The following CTNNA2 variants were observed in gnomAD, a reference collection of about 807,000 sequenced individuals.
CTNNA2 encodes catenin alpha 2.
A neutral mutation model predicts 101.0 loss-of-function variants in CTNNA2; 42 were observed. The ratio of observed to expected loss-of-function variants is 0.42; its 90% CI spans 0.32 to 0.54. The LOEUF (loss-of-function observed/expected upper bound fraction) is 0.54. Among genes scored for constraint, CTNNA2 ranks in the 20% least tolerant of loss-of-function variants. CTNNA2 has a pLI of 0.14. For missense variants in CTNNA2, 871 were observed against 1,223.1 expected, an observed-to-expected ratio of 0.71 and a Z score of 4.29; for synonymous variants, 450 against 456.4, an observed-to-expected ratio of 0.99 and a Z score of 0.18.
chr2:79,700,569 G>GCAA (rs1474936730), intron 2 of CTNNA2, among the ~76,000 whole-genome samples: 3 of 151,966 alleles, frequency 2.0e-5, no homozygotes, highest in Non-Finnish European at 2.9e-5. Context: ...CCTTAGAATG[G>GCAA]CAACAACAAC....
chr2:79,209,189 A>T (rs1291446256), intron 2 of CTNNA2, among the ~76,000 whole-genome samples: 9 of 152,134 alleles, frequency 5.9e-5, no homozygotes, highest in East Asian at 1.9e-4. Flanking sequence ...TAAAAAATAA[A>T]TTTTTTTAAA....
chr2:79,288,408 G>C (rs1357654757), intron 2 of CTNNA2, among the ~76,000 whole-genome samples: 2 of 152,220 alleles, frequency 1.3e-5, no homozygotes, highest in Non-Finnish European at 2.9e-5. Context: ...TGGGTTCACT[G>C]TGTGCTCAGC....
At chr2:79,289,504 G>A (rs1311945321) in intron 2 of CTNNA2, among the ~76,000 whole-genome samples, 1 of 152,174 alleles carries the variant, frequency 6.6e-6, no homozygotes, top group Non-Finnish European at 1.5e-5. Context: ...GCTCACGCCT[G>A]TAATCCCAGC....
intron 3 of CTNNA2, among the ~76,000 whole-genome samples, chr2:79,333,862 G>T (rs914516263): frequency 1.3e-4 from 20 of 152,116 alleles, no homozygotes; most frequent in African/African-American, 4.8e-4. Flanking sequence ...ATTTTTTAAC[G>T]TATGTCTCCA....
At chr2:80,341,544 C>G (rs535545678) in intron 7 of CTNNA2, among the ~76,000 whole-genome samples, 1 of 152,210 alleles carries the variant, frequency 6.6e-6, no homozygotes, top group East Asian at 1.9e-4. Flanking sequence ...AAATGCAAAT[C>G]AAAACCATAG....
chr2:79,351,473 T>A (rs1349736416), intron 3 of CTNNA2, among the ~76,000 whole-genome samples: 1 of 152,158 alleles, frequency 6.6e-6, no homozygotes, highest in Non-Finnish European at 1.5e-5. Flanking sequence ...TACATGTGCA[T>A]GTTTGTTGCA....
chr2:79,820,830 C>T (rs1278958472), intron 3 of CTNNA2, among the ~76,000 whole-genome samples: 1 of 152,136 alleles, frequency 6.6e-6, no homozygotes, highest in African/African-American at 2.4e-5. Flanking sequence ...CCTAATTTCA[C>T]ATTCAATATT....
chr2:80,379,888 C>G (rs1676333155), intron 7 of CTNNA2, among the ~76,000 whole-genome samples: 1 of 152,122 alleles, frequency 6.6e-6, no homozygotes, highest in Non-Finnish European at 1.5e-5. Context: ...ACTATTGAGT[C>G]TAAGACTCTC....
At chr2:80,031,512 T>C (rs563859212) in intron 7 of CTNNA2, among the ~76,000 whole-genome samples, 60 of 152,282 alleles carry the variant, frequency 3.9e-4, no homozygotes, top group African/African-American at 1.4e-3. Flanking sequence ...GTGAGACTTA[T>C]TTACTATCGT....
intron 7 of CTNNA2, among the ~76,000 whole-genome samples, chr2:79,947,474 G>T (rs1279853559): frequency 2.0e-5 from 3 of 152,050 alleles, no homozygotes; most frequent in Non-Finnish European, 4.4e-5. Context: ...TAACAGACAG[G>T]ATTATAAGGT....
At chr2:79,974,125 G>A (rs956304901) in intron 7 of CTNNA2, among the ~76,000 whole-genome samples, 1 of 151,954 alleles carries the variant, frequency 6.6e-6, no homozygotes, top group Non-Finnish European at 1.5e-5. Flanking sequence ...ACTACATTTT[G>A]AATCTGAAAA....
chr2:80,534,060 A>G lies in CTNNA2; in HGVS notation c.1291-10922A>G, dbSNP rs114127607. Among the ~76,000 whole-genome samples the G allele has an allele frequency of 5.3e-3, 799 of 152,142 alleles. 6 individuals carry two copies. The highest frequency in any genetic ancestry group is 0.018 in the African/African-American group (756 of 41,500). On this transcript the variant is annotated intron_variant, in intron 9 of 18. Coordinates refer to ENST00000402739, the MANE Select transcript of CTNNA2 (RefSeq NM_001282597.3). ...ATTTGTTCATGAATGTGAGCTGGTG[A>G]TTACCTACATTAAAGTCACCAGGGC...
chr2:80,523,530 T>C (rs897435531), intron 9 of CTNNA2, among the ~76,000 whole-genome samples: 1 of 152,218 alleles, frequency 6.6e-6, no homozygotes, highest in Non-Finnish European at 1.5e-5. Flanking sequence ...CTACTGCTGA[T>C]ATTAAACCTA....
chr2:80,526,527 TTC>T (rs1199149196), intron 9 of CTNNA2, among the ~76,000 whole-genome samples: 1 of 152,000 alleles, frequency 6.6e-6, no homozygotes, highest in Non-Finnish European at 1.5e-5. Context: ...GAGATGGGGT[TTC>T]ACCATGTTGG....
intron 3 of CTNNA2, among the ~76,000 whole-genome samples, chr2:79,845,172 C>CT (rs59627246): frequency 2.1e-3 from 222 of 104,172 alleles, no homozygotes; most frequent in South Asian, 7.9e-3. Flanking sequence ...AACACAGCTG[C>CT]TTTTTTTTTT....
chr2:79,604,269 G>A (rs1231826438), intron 1 of CTNNA2, among the ~76,000 whole-genome samples: 4 of 152,178 alleles, frequency 2.6e-5, no homozygotes. Flanking sequence ...GAGTAAGGGA[G>A]GTGGGAAGAT....
At chr2:79,202,047 A>C (rs1169533831) in intron 2 of CTNNA2, among the ~76,000 whole-genome samples, 2 of 152,198 alleles carry the variant, frequency 1.3e-5, no homozygotes, top group Non-Finnish European at 2.9e-5. Context: ...AAATGATTGT[A>C]ATCTTTTGAG....
intron 7 of CTNNA2, among the ~76,000 whole-genome samples, chr2:80,245,844 G>C (rs939927462): frequency 7.9e-6 from 1 of 125,872 alleles, no homozygotes; most frequent in African/African-American, 3.1e-5. Flanking sequence ...GCCCAGGCTG[G>C]AGTGCAGTGG....
rs61186189 is a variant in CTNNA2, at chr2:80,547,690, C to CTTTTTTTTTTTTT, written c.1540+1631_1540+1643dup. Among the ~76,000 whole-genome samples the CTTTTTTTTTTTTT allele has an allele frequency of 7.0e-4, 87 of 124,292 alleles. 13 individuals are homozygous for CTTTTTTTTTTTTT. Among genetic ancestry groups the CTTTTTTTTTTTTT allele is most frequent in the African/African-American group, 1.3e-3 (39 of 29,372 alleles). The allele number at this position is 124,292 out of a possible 152,430, so 81.5% of individuals were successfully genotyped here. Reference sequence around the variant, plus strand: ...AGAACTCAATATATTGTCACTTCTGCTTTTTTTTTTTTTTTTGAGATGGAG... The same window carrying CTTTTTTTTTTTTT: ...AGAACTCAATATATTGTCACTTCTGCTTTTTTTTTTTTTTTTTTTTTTTTTTTTTGAGATGGAG... On this transcript the variant is annotated intron_variant, in intron 11 of 18. Transcript: ENST00000402739.
Sources: allele counts gnomAD v4.1 joint callset (sites outside exome capture counted in the v4.1 genomes callset), GRCh38; gene constraint gnomAD v4.1.1; transcripts MANE v1.5; gene names NCBI Gene and HGNC (gene_info 2026-07-23, HGNC 2026-07-21).